The following FAM177A1 variants were observed in gnomAD, a reference collection of about 807,000 sequenced individuals.
The protein encoded by FAM177A1 is family with sequence similarity 177 member A1, also known as protein FAM177A1.
FAM177A1 carries 22 observed loss-of-function variants against 26.1 expected under a neutral mutation model. That is an observed-to-expected ratio of 0.84 (90% CI 0.60 to 1.20). The LOEUF is 1.20. Ranked by LOEUF, FAM177A1 falls within the 50% of genes most tolerant of loss-of-function variation. FAM177A1 has a pLI of 0.00. For missense variants in FAM177A1, 296 were observed against 291.1 expected (o/e 1.02, Z -0.12); for synonymous variants, 95 against 99.3 (o/e 0.96, Z 0.26).
intron 2 of FAM177A1, among the ~76,000 whole-genome samples, chr14:35,071,991 T>C (rs1039365406): frequency 6.6e-6 from 1 of 151,976 alleles, no homozygotes; most frequent in Non-Finnish European, 1.5e-5. Context: ...GAAAAGAAAA[T>C]GTTGGCTAGG....
At chr14:35,056,410 C>A (rs1050708175) in intron 2 of FAM177A1, among the ~76,000 whole-genome samples, 3 of 151,672 alleles carry the variant, frequency 2.0e-5, no homozygotes, top group African/African-American at 7.3e-5. Context: ...GGCTAGAGTG[C>A]GGTGGTATGA....
At chr14:35,059,330 G>GT (rs1055731008) in intron 2 of FAM177A1, among the ~76,000 whole-genome samples, 3 of 151,978 alleles carry the variant, frequency 2.0e-5, no homozygotes, top group African/African-American at 7.3e-5. Flanking sequence ...ACAGCATATA[G>GT]TTGGATCTTG....
chr14:35,055,417 G>A (rs148017146), intron 2 of FAM177A1, among the ~76,000 whole-genome samples: 154 of 150,538 alleles, frequency 1.0e-3, no homozygotes, highest in Middle Eastern at 3.5e-3. Context: ...ACTAGGACTA[G>A]AATTGCTGGG....
chr14:35,069,823 A>C, intron 2 of FAM177A1, among the ~76,000 whole-genome samples: 1 of 151,974 alleles, frequency 6.6e-6, no homozygotes, highest in Admixed American at 6.6e-5. Context: ...AGAGCATAAG[A>C]AGTGGAGACC....
intron 1 of FAM177A1, chr14:35,047,210 A>C (rs1021291704): frequency 6.2e-6 from 1 of 161,842 alleles, no homozygotes; most frequent in East Asian, 1.9e-4. Flanking sequence ...CGTTTTAAAA[A>C]AGTGAAACCG....
intron 4 of FAM177A1, among the ~76,000 whole-genome samples, chr14:35,080,659 G>T (rs949293899): frequency 2.0e-5 from 3 of 152,020 alleles, no homozygotes; most frequent in African/African-American, 7.2e-5. Flanking sequence ...AAATTAGCTG[G>T]GCGTGGTGGC....
intron 1 of FAM177A1, chr14:35,049,916 C>A (rs2044936331): frequency 6.6e-6 from 1 of 152,114 alleles, no homozygotes; most frequent in Non-Finnish European, 1.5e-5. Context: ...TCTTTCAGAT[C>A]TTTGGGGTTC....
In FAM177A1 at chr14:35,046,381, C is replaced by T; in HGVS notation, c.-83C>T. The T allele has an allele frequency of 5.3e-6, 7 of 1,331,640 alleles. No homozygotes were observed. The highest frequency in any genetic ancestry group is 6.8e-6 in the Non-Finnish European group (7 of 1,028,318). The allele number at this position is 1,331,640 out of a possible 1,614,324, so 82.5% of individuals were successfully genotyped here. A position where few individuals can be genotyped will look rare whatever the true frequency, so the allele number is the denominator to read the frequency against. Reference sequence around the variant, plus strand: ...TCCCCTTCTCAGAGACTTGGCTAGGCGCGGCGCGAGGCGGGCGCTGGGCGG... The same window carrying T: ...TCCCCTTCTCAGAGACTTGGCTAGGTGCGGCGCGAGGCGGGCGCTGGGCGG... On this transcript the variant is annotated 5_prime_UTR_variant, in exon 1 of 5. Transcript: ENST00000280987.
At chr14:35,077,761 C>T (rs2045420861) in intron 3 of FAM177A1, among the ~76,000 whole-genome samples, 1 of 152,118 alleles carries the variant, frequency 6.6e-6, no homozygotes. Context: ...GGACCACAGG[C>T]GTGAGCCACC....
intron 4 of FAM177A1, 84 bp downstream of exon 4, chr14:35,079,108 A>G: frequency 2.1e-6 from 2 of 931,626 alleles, no homozygotes; most frequent in Non-Finnish European, 3.2e-6. Flanking sequence ...TGTATTTTCT[A>G]ACTGCCCAAC....
chr14:35,056,791 G>T (rs145237843), intron 2 of FAM177A1, among the ~76,000 whole-genome samples: 87 of 152,216 alleles, frequency 5.7e-4, no homozygotes, highest in Admixed American at 9.2e-4. Flanking sequence ...TTTTGAGTCA[G>T]TTGTGTATGA....
chr14:35,069,550 G>C (rs1221856846), intron 2 of FAM177A1, among the ~76,000 whole-genome samples: 3 of 152,070 alleles, frequency 2.0e-5, no homozygotes, highest in African/African-American at 4.8e-5. Flanking sequence ...CTCCCAAAGT[G>C]CTGGGATTAC....
Position 35,081,873 on chromosome 14 carries a change from G to A in FAM177A1, c.*645G>A, listed in dbSNP as rs1440558446. The A allele has an allele frequency of 6.6e-6, 1 of 152,032 alleles. No homozygotes were observed. The highest frequency in any genetic ancestry group is 1.5e-5 in the Non-Finnish European group (1 of 68,014). 9.4% of individuals were successfully genotyped at this position (152,032 alleles called of 1,614,324 possible). On this transcript the variant is annotated 3_prime_UTR_variant, in exon 5 of 5. Transcript: ENST00000280987. ...TTTCAGGACTCAAATAACTAGCTTT[G>A]AACATAATATTAAAACACTACTTAT...
At chr14:35,062,111 G>A (rs550016327) in intron 2 of FAM177A1, among the ~76,000 whole-genome samples, 7 of 152,096 alleles carry the variant, frequency 4.6e-5, no homozygotes, top group Non-Finnish European at 7.4e-5. Context: ...TTGCTGGGAG[G>A]GTGCTGAGAG....
chr14:35,076,979 T>A (rs2045406310), intron 2 of FAM177A1, among the ~76,000 whole-genome samples, 171 bp from the exon 3 acceptor site: 1 of 152,176 alleles, frequency 6.6e-6, no homozygotes, highest in African/African-American at 2.4e-5. Context: ...AAAATATCTT[T>A]GTGGAATTTT....
At chr14:35,054,311 G>T (rs2138530764) in intron 2 of FAM177A1, among the ~76,000 whole-genome samples, 1 of 152,208 alleles carries the variant, frequency 6.6e-6, no homozygotes, top group South Asian at 2.1e-4. Context: ...CAACTAACTT[G>T]GAGAATTTCT....
At chr14:35,065,198 G>GTC (rs907420450) in intron 2 of FAM177A1, among the ~76,000 whole-genome samples, 4 of 149,530 alleles carry the variant, frequency 2.7e-5, no homozygotes, top group Non-Finnish European at 5.9e-5. Context: ...TTGAGACGGA[G>GTC]TCTCTCTCTC....
chr14:35,048,568 TA>T (rs2044912516), intron 1 of FAM177A1, among the ~76,000 whole-genome samples: 1 of 148,810 alleles, frequency 6.7e-6, no homozygotes, highest in African/African-American at 2.4e-5. Flanking sequence ...TTATATATTA[TA>T]TATATTATTA....
chr14:35,053,729 C>T (rs1339753727), intron 2 of FAM177A1, among the ~76,000 whole-genome samples: 1 of 152,146 alleles, frequency 6.6e-6, no homozygotes, highest in Non-Finnish European at 1.5e-5. Flanking sequence ...CGGTGGCTCA[C>T]ACCTGTAATC....
Sources: gnomAD v4.1 joint callset for allele counts (sites outside exome capture counted in the v4.1 genomes callset) on GRCh38, gnomAD v4.1.1 for gene constraint, MANE v1.5 for transcripts, NCBI Gene and HGNC (gene_info 2026-07-23, HGNC 2026-07-21) for gene names.